GAS2: variants seen among roughly 807,000 people sequenced by gnomAD.
The protein encoded by GAS2 is growth arrest specific 2, also known as growth arrest-specific protein 2.
A neutral mutation model predicts 37.5 loss-of-function variants in GAS2; 20 were observed. That is an observed-to-expected ratio of 0.53 (90% CI 0.37 to 0.77). The LOEUF is 0.77. Ranked by LOEUF, GAS2 falls within the 30% of genes least tolerant of loss-of-function variation. GAS2 has a pLI of 0.00. For missense variants in GAS2, 336 were observed against 373.4 expected, an observed-to-expected ratio of 0.90 and a Z score of 0.82; for synonymous variants, 144 against 132.2, an observed-to-expected ratio of 1.09 and a Z score of -0.61.
intron 7 of GAS2, among the ~76,000 whole-genome samples, chr11:22,757,652 A>G (rs1357590077): frequency 6.6e-6 from 1 of 152,222 alleles, no homozygotes; most frequent in Non-Finnish European, 1.5e-5. Context: ...TGATTTTTAT[A>G]CTATCCACAT....
chr11:22,780,002 A>G (rs779518310), intron 7 of GAS2, among the ~76,000 whole-genome samples: 1 of 152,154 alleles, frequency 6.6e-6, no homozygotes, highest in African/African-American at 2.4e-5. Context: ...TTTGACCTTA[A>G]GAGTTGACTC....
At chr11:22,636,257 C>T (rs1858819604) in intron 1 of GAS2, among the ~76,000 whole-genome samples, 1 of 152,140 alleles carries the variant, frequency 6.6e-6, no homozygotes, top group Non-Finnish European at 1.5e-5. Flanking sequence ...TCTGCAAAAA[C>T]AGGAGGTTGT....
chr11:22,698,201 C>G (rs961964595), intron 3 of GAS2, among the ~76,000 whole-genome samples: 3 of 152,128 alleles, frequency 2.0e-5, no homozygotes, highest in Non-Finnish European at 2.9e-5. Flanking sequence ...CCACCCATCC[C>G]ACAGAAATAC....
chr11:22,755,368 T>A (rs577349124), intron 6 of GAS2, among the ~76,000 whole-genome samples: 9 of 152,174 alleles, frequency 5.9e-5, no homozygotes, highest in African/African-American at 2.2e-4. Context: ...AATAGTCTCC[T>A]TAAAAAAACA....
chr11:22,701,437 A>G lies in GAS2; in HGVS notation c.267+15648A>G, dbSNP rs551488424. On this transcript the variant is annotated intron_variant, in intron 3 of 7. Transcript: ENST00000454584. ...TTGTGATTTAAAGGGTGTGATTTAA[A>G]TGAAGATAGAATACTCTCAAGGAGT... Among the ~76,000 whole-genome samples the G allele has an allele frequency of 5.3e-5, 8 of 152,290 alleles. No homozygotes were observed. The East Asian group carries it at 1.5e-3, about 29-fold the overall frequency.
At chr11:22,791,781 C>T (rs1856176533) in intron 7 of GAS2, among the ~76,000 whole-genome samples, 1 of 152,184 alleles carries the variant, frequency 6.6e-6, no homozygotes, top group African/African-American at 2.4e-5. Flanking sequence ...AAGGCGATGA[C>T]TTCATGAAAC....
chr11:22,660,916 G>T (rs2133845279), intron 1 of GAS2, among the ~76,000 whole-genome samples: 1 of 152,288 alleles, frequency 6.6e-6, no homozygotes. Flanking sequence ...CTACCAAAAT[G>T]CTTTAATGAG....
At chr11:22,641,012 CCCT>C (rs540159330) in intron 1 of GAS2, among the ~76,000 whole-genome samples, 80 of 151,590 alleles carry the variant, frequency 5.3e-4, no homozygotes, top group Middle Eastern at 6.9e-3. Flanking sequence ...CCATTTTTCC[CCCT>C]CCTCTGCGCA....
intron 1 of GAS2, among the ~76,000 whole-genome samples, chr11:22,629,521 C>A (rs1858715907): frequency 6.6e-6 from 1 of 151,706 alleles, no homozygotes; most frequent in Non-Finnish European, 1.5e-5. Flanking sequence ...AGGTGGTATC[C>A]CATTGTGGTT....
intron 3 of GAS2, chr11:22,688,351 GTCT>G (rs1295083162): frequency 1.3e-5 from 2 of 152,006 alleles, no homozygotes; most frequent in Non-Finnish European, 2.9e-5. Context: ...ATACTTTATA[GTCT>G]ACGGCCATAC....
chr11:22,630,934 A>G (rs982988020), intron 1 of GAS2, among the ~76,000 whole-genome samples: 1 of 152,232 alleles, frequency 6.6e-6, no homozygotes, highest in Non-Finnish European at 1.5e-5. Flanking sequence ...TGCTTTGGGC[A>G]GTATGGTCAT....
chr11:22,679,223 A>G (rs997242983), intron 2 of GAS2, among the ~76,000 whole-genome samples: 2 of 152,094 alleles, frequency 1.3e-5, no homozygotes, highest in Non-Finnish European at 2.9e-5. Flanking sequence ...ACCAACATTC[A>G]AAAAAGACAG....
intron 7 of GAS2, among the ~76,000 whole-genome samples, chr11:22,797,521 ATC>A (rs1491230049): frequency 0.21 from 31,700 of 152,012 alleles, 4,103 homozygotes; most frequent in African/African-American, 0.36. Context: ...TGAGGATTAC[ATC>A]TTTATGTATG....
intron 7 of GAS2, among the ~76,000 whole-genome samples, chr11:22,783,365 G>C (rs1291734808): frequency 1.3e-5 from 2 of 152,128 alleles, no homozygotes; most frequent in Non-Finnish European, 2.9e-5. Flanking sequence ...GGCATAACTT[G>C]TGAATGTTTT....
Position 22,650,429 on chromosome 11 carries a change from T to G in GAS2, c.-20-24421T>G, listed in dbSNP as rs1333499365. 8.5e-5 allele frequency among the ~76,000 whole-genome samples: 13 copies of G among 152,198 alleles called. No individual in the cohort carries two copies. In the East Asian group the frequency reaches 2.1e-3, roughly 25 times the overall value. On this transcript the variant is annotated intron_variant, in intron 1 of 5. Transcript: ENST00000528582. ...GGTGGAGAGTTCTGTAGATGTCTAT[T>G]AGGTCCGTTTGGTGCAGAGCTGAGT...
At chr11:22,791,997 T>C (rs1277081797) in intron 7 of GAS2, among the ~76,000 whole-genome samples, 1 of 152,226 alleles carries the variant, frequency 6.6e-6, no homozygotes, top group African/African-American at 2.4e-5. Context: ...AACTCATAGT[T>C]TCTCACTGAC....
chr11:22,633,583 G>A (rs1858775646), intron 1 of GAS2, among the ~76,000 whole-genome samples: 1 of 152,156 alleles, frequency 6.6e-6, no homozygotes, highest in Non-Finnish European at 1.5e-5. Flanking sequence ...GGTAAAAACA[G>A]GCTGCAGCTA....
chr11:22,633,318 A>T (rs1296649936), intron 1 of GAS2, among the ~76,000 whole-genome samples: 1 of 152,092 alleles, frequency 6.6e-6, no homozygotes, highest in Non-Finnish European at 1.5e-5. Flanking sequence ...GTTTTCAGTG[A>T]TGAAGAATCT....
chr11:22,703,018 G>A (rs1850925802), intron 3 of GAS2, among the ~76,000 whole-genome samples: 1 of 152,092 alleles, frequency 6.6e-6, no homozygotes, highest in Non-Finnish European at 1.5e-5. Context: ...TATGAAACAT[G>A]TGACTGAAAA....
Sources: gnomAD v4.1 joint callset for allele counts (sites outside exome capture counted in the v4.1 genomes callset) on GRCh38, gnomAD v4.1.1 for gene constraint, MANE v1.5 for transcripts, NCBI Gene and HGNC (gene_info 2026-07-23, HGNC 2026-07-21) for gene names.